Variants in UBE2D2 observed in about 807,000 individuals in gnomAD.
UBE2D2 encodes the protein ubiquitin-conjugating enzyme E2 D2.
UBE2D2 carries 2 observed loss-of-function variants against 24.2 expected under a neutral mutation model. The ratio of observed to expected loss-of-function variants is 0.08; its 90% confidence interval spans 0.03 to 0.26. The LOEUF is 0.26. UBE2D2 is among the 10% of genes least tolerant of loss of function. UBE2D2 has a pLI of 1.00. For synonymous variants in UBE2D2, 58 were observed against 56.5 expected (o/e 1.03, Z -0.12); for missense variants, 44 against 177.6 (o/e 0.25, Z 4.28).
At chr5:139,536,728 G>A (rs947143697) in intron 1 of UBE2D2, among the ~76,000 whole-genome samples, 39 of 151,896 alleles carry the variant, frequency 2.6e-4, no homozygotes, top group African/African-American at 8.5e-4. Flanking sequence ...GAACTCATGT[G>A]ATCCACCCAC....
chr5:139,626,821 AC>A lies in UBE2D2; in HGVS notation c.*22del. 6.2e-7 allele frequency: 1 copy of A among 1,603,204 alleles called. No individual in the cohort carries two copies. The highest frequency in any genetic ancestry group is 2.2e-5 in the East Asian group (1 of 44,832). ...ATGTAATTAAAGAAATTATTGGATA[AC>A]CTCTACAAATAAAGATAGGGGAACT... On this transcript the variant is annotated 3_prime_UTR_variant, in exon 7 of 7. Transcript: ENST00000398733.
intron 1 of UBE2D2, among the ~76,000 whole-genome samples, chr5:139,531,589 T>C (rs1408516724): frequency 6.9e-6 from 1 of 144,962 alleles, no homozygotes; most frequent in Non-Finnish European, 1.5e-5. Context: ...CACATACCCC[T>C]GCACTCCAGC....
At chr5:139,566,457 T>G (rs746176094) in intron 1 of UBE2D2, among the ~76,000 whole-genome samples, 65 of 152,222 alleles carry the variant, frequency 4.3e-4, no homozygotes, top group Non-Finnish European at 8.1e-4. Context: ...GCAGATCGCT[T>G]GAGCTCAGGA....
chr5:139,565,374 A>G lies in UBE2D2; in HGVS notation c.24+3559A>G, dbSNP rs182031477. On this transcript the variant is annotated intron_variant, in intron 1 of 6. Transcript: ENST00000398733. ...GCAGAGCATAGCAAAGAGGGTCATT[A>G]TGAACATTGTGTGTAGTTCTGGGCA... 9.2e-5 allele frequency among the ~76,000 whole-genome samples: 14 copies of G among 152,332 alleles called. No individual in the cohort carries two copies. In the East Asian group the frequency reaches 2.3e-3, roughly 25 times the overall value.
chr5:139,567,179 A>G (rs1177718907), intron 1 of UBE2D2, among the ~76,000 whole-genome samples: 2 of 152,024 alleles, frequency 1.3e-5, no homozygotes, highest in Non-Finnish European at 2.9e-5. Flanking sequence ...GGCTCACTGC[A>G]ACCTCCGCCT....
intron 6 of UBE2D2, among the ~76,000 whole-genome samples, chr5:139,624,591 G>A (rs1313465702): frequency 6.6e-6 from 1 of 152,260 alleles, no homozygotes; most frequent in Non-Finnish European, 1.5e-5. Context: ...TTTGAGACCA[G>A]CCTGGCCAAC....
chr5:139,526,890 A>AT (rs1752547262), intron 1 of UBE2D2, among the ~76,000 whole-genome samples: 1 of 152,032 alleles, frequency 6.6e-6, no homozygotes, highest in South Asian at 2.1e-4. Context: ...TGGTATTCAG[A>AT]TTTTGAATTT....
intron 1 of UBE2D2, among the ~76,000 whole-genome samples, chr5:139,548,193 A>AAAAAAAAAATAAATAAATAAATAAAT: frequency 2.1e-5 from 1 of 47,100 alleles, no homozygotes; most frequent in Non-Finnish European, 3.8e-5. Flanking sequence ...ATAAAAAAAA[A>AAAAAAAAAATAAATAAATAAATAAAT]AAATAAATAA....
chr5:139,599,355 C>T (rs1042473575), intron 1 of UBE2D2, among the ~76,000 whole-genome samples: 1 of 152,078 alleles, frequency 6.6e-6, no homozygotes, highest in Non-Finnish European at 1.5e-5. Flanking sequence ...ACTTTAGGAG[C>T]TTGTCCCAAG....
chr5:139,540,223 T>C (rs1752737121), intron 1 of UBE2D2, among the ~76,000 whole-genome samples: 1 of 152,140 alleles, frequency 6.6e-6, no homozygotes, highest in Non-Finnish European at 1.5e-5. Flanking sequence ...CGGGCTATAC[T>C]ATAATTATAT....
intron 1 of UBE2D2, among the ~76,000 whole-genome samples, chr5:139,536,263 CT>C (rs1752680994): frequency 6.6e-5 from 10 of 151,806 alleles, no homozygotes; most frequent in Admixed American, 4.0e-4. Context: ...CCATGCCCAG[CT>C]AATTTTGTAT....
chr5:139,593,890 A>G lies in UBE2D2; in HGVS notation c.25-6482A>G, dbSNP rs191536348. Reference sequence around the variant, plus strand: ...CTTAGCCTCCCAAAGTGTGGAGATTACAGACATGAGCCACCGTGCCTAGCC... The same window carrying G: ...CTTAGCCTCCCAAAGTGTGGAGATTGCAGACATGAGCCACCGTGCCTAGCC... On this transcript the variant is annotated intron_variant, in intron 1 of 6. Transcript: ENST00000398733. Among the ~76,000 whole-genome samples the G allele has an allele frequency of 4.6e-4, 70 of 152,328 alleles. No homozygotes were observed. The East Asian group carries it at 7.7e-3, about 17-fold the overall frequency.
intron 1 of UBE2D2, among the ~76,000 whole-genome samples, chr5:139,567,227 G>C (rs1041241062): frequency 1.3e-5 from 2 of 151,944 alleles, no homozygotes; most frequent in African/African-American, 2.4e-5. Context: ...AGCCTCCCGA[G>C]CAGCTGAGAC....
At chr5:139,600,316 A>G in intron 1 of UBE2D2, 56 bp from the exon 2 acceptor site, 1 of 1,566,462 alleles carries the variant, frequency 6.4e-7, no homozygotes, top group Non-Finnish European at 8.7e-7. Context: ...AACTTTAGTA[A>G]TGGATAAAAG....
At chr5:139,560,622 G>C (rs1435132992), upstream of UBE2D2, among the ~76,000 whole-genome samples, 1 of 152,188 alleles carries the variant, frequency 6.6e-6, no homozygotes, top group Admixed American at 6.5e-5. Context: ...GTGAGTCACC[G>C]CGCCCAGCCG....
intron 1 of UBE2D2, among the ~76,000 whole-genome samples, chr5:139,579,366 C>T (rs548322550): frequency 2.5e-3 from 387 of 152,220 alleles, no homozygotes; most frequent in Non-Finnish European, 4.2e-3. Flanking sequence ...AGGCTGGTCT[C>T]GAACTCCCGA....
chr5:139,562,191 G>T, intron 1 of UBE2D2: 1 of 1,379,644 alleles, frequency 7.2e-7, no homozygotes, highest in Non-Finnish European at 9.6e-7. Flanking sequence ...TTCGACAGAG[G>T]TCGAAAGGGC....
intron 1 of UBE2D2, among the ~76,000 whole-genome samples, chr5:139,550,573 T>G (rs553158838): frequency 6.6e-6 from 1 of 152,058 alleles, no homozygotes; most frequent in Non-Finnish European, 1.5e-5. Context: ...GCTCACGCTA[T>G]GGGAGTTTTG....
At chr5:139,582,234 C>T (rs1753618865) in intron 1 of UBE2D2, among the ~76,000 whole-genome samples, 1 of 151,332 alleles carries the variant, frequency 6.6e-6, no homozygotes, top group African/African-American at 2.4e-5. Context: ...CTGCCTTGGC[C>T]TCCAAAGTGC....
Sources: gnomAD v4.1 joint callset for allele counts (sites outside exome capture counted in the v4.1 genomes callset) on GRCh38, gnomAD v4.1.1 for gene constraint, MANE v1.5 for transcripts, NCBI Gene and HGNC (gene_info 2026-07-23, HGNC 2026-07-21) for gene names.